The following AP4E1 variants were observed in gnomAD, a reference collection of about 807,000 sequenced individuals.
The protein encoded by AP4E1 is AP-4 complex subunit epsilon-1.
Under a neutral mutation model 128.2 loss-of-function variants are expected in AP4E1, and 56 were observed. The ratio of observed to expected loss-of-function variants is 0.44; its 90% CI spans 0.35 to 0.55. The LOEUF (loss-of-function observed/expected upper bound fraction) is 0.55, where lower values mean the gene tolerates loss of function less well. Ranked by LOEUF, AP4E1 falls within the 20% of genes least tolerant of loss-of-function variation. The pLI is 0.00. For synonymous variants in AP4E1, 484 were observed against 473.1 expected (o/e 1.02, Z -0.30); for missense variants, 1,324 against 1,307.7 (o/e 1.01, Z -0.19).
chr15:50,958,819 T>C (rs1165923711), intron 14 of AP4E1, 25 bp downstream of exon 14: 2 of 1,611,456 alleles, frequency 1.2e-6, no homozygotes, highest in Non-Finnish European at 1.7e-6. Context: ...TTCCATCTTT[T>C]TAAAAATTGC....
intron 5 of AP4E1, among the ~76,000 whole-genome samples, chr15:50,928,114 C>T (rs192476884): frequency 1.1e-4 from 17 of 152,222 alleles, no homozygotes; most frequent in African/African-American, 4.1e-4. Context: ...GGTTTTGAAA[C>T]AGATGAACTG....
At chr15:50,974,684 A>T (rs953069483) in intron 15 of AP4E1, among the ~76,000 whole-genome samples, 3 of 151,964 alleles carry the variant, frequency 2.0e-5, no homozygotes, top group Non-Finnish European at 4.4e-5. Context: ...CTGACACGTT[A>T]TGTTTTCTTT....
chr15:50,958,799 G>A lies in AP4E1; in HGVS notation c.1851+5G>A. ...AGGAGTTGTGAAGACTTGGTGGTAA[G>A]ACATTGGTGTTCCATCTTTTTAAAA... is the stretch of plus-strand genomic sequence containing the variant. On this transcript the variant is annotated splice_donor_5th_base_variant and intron_variant, in intron 14 of 20. Transcript: ENST00000261842. The A allele has an allele frequency of 6.2e-7, 1 of 1,614,004 alleles. No individual in the cohort carries two copies.
intron 13 of AP4E1, among the ~76,000 whole-genome samples, chr15:50,955,140 ATACG>A (rs1451713338): frequency 6.6e-6 from 1 of 152,114 alleles, no homozygotes; most frequent in African/African-American, 2.4e-5. Flanking sequence ...GTGAATAAAC[ATACG>A]TGTGCATGTG....
chr15:50,914,679 A>C (rs1278032245), intron 2 of AP4E1, among the ~76,000 whole-genome samples: 1 of 149,686 alleles, frequency 6.7e-6, no homozygotes, highest in African/African-American at 2.4e-5. Context: ...AAAGTCTGTG[A>C]GCTTTTAGTT....
In AP4E1 at chr15:50,964,186, TTTTA is replaced by T. The variant is rs200524015; in HGVS notation, c.1852-4065_1852-4062del. 9.7e-3 allele frequency among the ~76,000 whole-genome samples: 1,483 copies of T among 152,350 alleles called. 8 individuals are homozygous for T. Among genetic ancestry groups the T allele is most frequent in the Middle Eastern group, 0.024 (7 of 294 alleles). On this transcript the variant is annotated intron_variant, in intron 14 of 20. Transcript: ENST00000261842. ...TCATATGTCATGTATGCTTTCTTTG[TTTTA>T]TTTATTTATTTTTGTCTGGTTTATT... is the stretch of plus-strand genomic sequence containing the variant.
intron 14 of AP4E1, among the ~76,000 whole-genome samples, chr15:50,966,685 C>T (rs143866598): frequency 0.011 from 1,688 of 151,942 alleles, 29 homozygotes; most frequent in African/African-American, 0.039. Context: ...TTACAGGCAC[C>T]CACCACCATG....
chr15:50,987,490 C>G (rs931615159), intron 16 of AP4E1, among the ~76,000 whole-genome samples: 1 of 152,174 alleles, frequency 6.6e-6, no homozygotes, highest in African/African-American at 2.4e-5. Context: ...CCCAGAGATT[C>G]TGGTATGTTG....
At chr15:50,942,642 TATATA>T (rs2064003683) in intron 10 of AP4E1, among the ~76,000 whole-genome samples, 1 of 148,440 alleles carries the variant, frequency 6.7e-6, no homozygotes, top group African/African-American at 2.5e-5. Flanking sequence ...ATGTTACTTA[TATATA>T]ATATTACTTT....
chr15:50,947,951 A>G (rs970215413), intron 10 of AP4E1, 69 bp from the exon 11 acceptor site: 2 of 1,254,868 alleles, frequency 1.6e-6, no homozygotes, highest in African/African-American at 3.0e-5. Context: ...GTCAACCTTT[A>G]TGTTACTGTA....
At chr15:50,952,402 C>T (rs1255619687) in intron 13 of AP4E1, among the ~76,000 whole-genome samples, 2 of 150,812 alleles carry the variant, frequency 1.3e-5, no homozygotes, top group African/African-American at 4.9e-5. Flanking sequence ...CCCAGCTACT[C>T]GGGAGGCTGA....
chr15:50,998,674 C>T (rs2064915340), intron 18 of AP4E1, among the ~76,000 whole-genome samples: 1 of 151,916 alleles, frequency 6.6e-6, no homozygotes, highest in African/African-American at 2.4e-5. Context: ...CAGACCAAAC[C>T]CTTCCCAGTT....
At chr15:50,929,571 C>T (rs2063807304) in intron 6 of AP4E1, among the ~76,000 whole-genome samples, 1 of 151,888 alleles carries the variant, frequency 6.6e-6, no homozygotes, top group African/African-American at 2.4e-5. Flanking sequence ...TGTATTAATT[C>T]TGTATCATAT....
chr15:50,947,609 G>T (rs1015258005), intron 10 of AP4E1, among the ~76,000 whole-genome samples: 2 of 152,002 alleles, frequency 1.3e-5, no homozygotes, highest in Admixed American at 1.3e-4. Context: ...TGTAGCATGG[G>T]AAATAGTTTC....
In AP4E1 at chr15:50,941,815, AT is replaced by A. The variant is rs759117271; in HGVS notation, c.1176+45del. 6.0e-6 allele frequency: 9 copies of A among 1,500,020 alleles called. 1 individual carries two copies. The highest frequency in any genetic ancestry group is 5.5e-6 in the Non-Finnish European group (6 of 1,085,778). 92.9% of individuals were successfully genotyped at this position (1,500,020 alleles called of 1,614,324 possible). On this transcript the variant is annotated intron_variant, in intron 10 of 20. Transcript: ENST00000261842. ...TGAATAGTATATGTGAAGTGTTAAA[AT>A]TTTTAAAAATTTTGTTGGCATTGTG...
chr15:50,934,823 GATT>G, intron 8 of AP4E1, 126 bp downstream of exon 8: 1 of 621,742 alleles, frequency 1.6e-6, no homozygotes, highest in Non-Finnish European at 2.8e-6. Flanking sequence ...TAGTTCTTTG[GATT>G]ATTATTTTTT....
intron 14 of AP4E1, among the ~76,000 whole-genome samples, chr15:50,960,820 A>C (rs2064302612): frequency 6.8e-6 from 1 of 147,378 alleles, no homozygotes; most frequent in Non-Finnish European, 1.5e-5. Flanking sequence ...AAAAAGATAC[A>C]AAAAAAAAAG....
intron 14 of AP4E1, among the ~76,000 whole-genome samples, chr15:50,963,212 CA>C (rs200332524): frequency 1.3e-5 from 2 of 151,522 alleles, no homozygotes; most frequent in African/African-American, 4.8e-5. Flanking sequence ...AAAATTGTTT[CA>C]AAAAAAACAA....
intron 5 of AP4E1, 62 bp downstream of exon 5, chr15:50,925,281 A>T: frequency 6.5e-7 from 1 of 1,537,646 alleles, no homozygotes; most frequent in Non-Finnish European, 8.9e-7. Flanking sequence ...AGTTTATGCT[A>T]GAAAATTTAT....
Sources: allele counts gnomAD v4.1 joint callset (sites outside exome capture counted in the v4.1 genomes callset), GRCh38; gene constraint gnomAD v4.1.1; transcripts MANE v1.5; gene names NCBI Gene and HGNC (gene_info 2026-07-23, HGNC 2026-07-21).